TAF3: variants seen among roughly 807,000 people sequenced by gnomAD.
TAF3 encodes the protein transcription initiation factor TFIID subunit 3.
TAF3 carries 7 observed loss-of-function variants against 80.6 expected under a neutral mutation model. The ratio of observed to expected loss-of-function variants is 0.09; its 90% CI spans 0.05 to 0.16. TAF3 has a LOEUF of 0.16. TAF3 is among the 10% of genes least tolerant of loss of function. The pLI, the probability that TAF3 is intolerant of heterozygous loss-of-function variation, is 1.00. For synonymous variants in TAF3, 444 were observed against 446.1 expected (o/e 1.00, Z 0.06); for missense variants, 921 against 1,140.2 (o/e 0.81, Z 2.77).
chr10:7,950,863 C>T (rs770974131), intron 2 of TAF3, among the ~76,000 whole-genome samples: 6 of 152,142 alleles, frequency 3.9e-5, no homozygotes, highest in Non-Finnish European at 7.4e-5. Flanking sequence ...TTTAAAATGG[C>T]CCCAAAGCAT....
At chr10:8,000,488 C>T (rs1436482198) in intron 4 of TAF3, among the ~76,000 whole-genome samples, 1 of 152,054 alleles carries the variant, frequency 6.6e-6, no homozygotes, top group South Asian at 2.1e-4. Context: ...GGCATCCACC[C>T]AGCACAGTGG....
At chr10:7,823,609 C>T (rs1449213057) in intron 1 of TAF3, among the ~76,000 whole-genome samples, 2 of 151,310 alleles carry the variant, frequency 1.3e-5, no homozygotes, top group South Asian at 4.2e-4. Context: ...GCACTTCAGC[C>T]TGGGCAACAA....
chr10:7,901,250 A>G (rs1837555608), intron 2 of TAF3, among the ~76,000 whole-genome samples: 1 of 152,238 alleles, frequency 6.6e-6, no homozygotes, highest in South Asian at 2.1e-4. Flanking sequence ...AAACTTTAAA[A>G]TACATAAATA....
chr10:8,012,583 C>T (rs764416376), intron 5 of TAF3, among the ~76,000 whole-genome samples: 3 of 152,190 alleles, frequency 2.0e-5, no homozygotes, highest in Non-Finnish European at 4.4e-5. Flanking sequence ...TTCCACCAGC[C>T]TTGGCCTCTA....
chr10:7,993,961 T>A (rs946641004), intron 4 of TAF3, among the ~76,000 whole-genome samples: 1 of 149,924 alleles, frequency 6.7e-6, no homozygotes, highest in Non-Finnish European at 1.5e-5. Context: ...TCTCCAGTGA[T>A]GAGCATAGGG....
chr10:7,957,805 C>CTCTG (rs1415995721), intron 2 of TAF3, among the ~76,000 whole-genome samples: 2 of 147,912 alleles, frequency 1.4e-5, no homozygotes, highest in African/African-American at 4.9e-5. Flanking sequence ...CTCTCTCTCT[C>CTCTG]TCTCTCTCTC....
intron 2 of TAF3, among the ~76,000 whole-genome samples, chr10:7,923,482 T>C (rs755653063): frequency 1.2e-4 from 19 of 152,042 alleles, no homozygotes; most frequent in Non-Finnish European, 2.5e-4. Flanking sequence ...ATTCTTCCAG[T>C]ATGTGCCATA....
chr10:7,995,574 A>C (rs1831880086), intron 4 of TAF3, among the ~76,000 whole-genome samples: 1 of 152,206 alleles, frequency 6.6e-6, no homozygotes, highest in African/African-American at 2.4e-5. Context: ...TGACAATAGA[A>C]GTGTAATCAT....
At chr10:7,957,098 C>G (rs569857423) in intron 2 of TAF3, among the ~76,000 whole-genome samples, 1 of 152,308 alleles carries the variant, frequency 6.6e-6, no homozygotes, top group African/African-American at 2.4e-5. Flanking sequence ...TCACTATCAA[C>G]TTTAACCAAA....
At chr10:7,932,386 T>C (rs757643005) in intron 2 of TAF3, among the ~76,000 whole-genome samples, 1 of 152,132 alleles carries the variant, frequency 6.6e-6, no homozygotes, top group Non-Finnish European at 1.5e-5. Context: ...TTCCAGCAGA[T>C]AGCACACATG....
intron 4 of TAF3, among the ~76,000 whole-genome samples, chr10:7,981,699 C>G (rs947764142): frequency 2.0e-5 from 3 of 152,204 alleles, no homozygotes; most frequent in Non-Finnish European, 2.9e-5. Context: ...TGATTTCTTA[C>G]AATTCAGTAA....
chr10:7,917,965 T>G (rs1242557382), intron 2 of TAF3, among the ~76,000 whole-genome samples: 1 of 152,184 alleles, frequency 6.6e-6, no homozygotes, highest in Non-Finnish European at 1.5e-5. Context: ...ACAGGCACTT[T>G]CAGTGTTTAG....
intron 3 of TAF3, among the ~76,000 whole-genome samples, chr10:7,971,025 A>G (rs2131416477): frequency 6.6e-6 from 1 of 152,342 alleles, no homozygotes; most frequent in Middle Eastern, 3.4e-3. Context: ...TCCAAGAGAA[A>G]ACAAGAAACT....
chr10:7,819,879 C>T (rs1836672858), intron 1 of TAF3, among the ~76,000 whole-genome samples: 1 of 152,190 alleles, frequency 6.6e-6, no homozygotes, highest in South Asian at 2.1e-4. Flanking sequence ...AAGTTTCGTT[C>T]CCGCTTCCAC....
chr10:7,941,430 C>T (rs969026921), intron 2 of TAF3, among the ~76,000 whole-genome samples: 1 of 152,170 alleles, frequency 6.6e-6, no homozygotes, highest in African/African-American at 2.4e-5. Flanking sequence ...CATGAGGATG[C>T]TACAGGGGAC....
At chr10:7,906,465 T>C (rs963909998) in intron 2 of TAF3, among the ~76,000 whole-genome samples, 2 of 152,148 alleles carry the variant, frequency 1.3e-5, no homozygotes, top group African/African-American at 4.8e-5. Flanking sequence ...TGATTAAGAT[T>C]ACTATTCTAA....
intron 4 of TAF3, among the ~76,000 whole-genome samples, chr10:7,983,209 G>A (rs1434780570): frequency 2.0e-5 from 3 of 152,160 alleles, no homozygotes; most frequent in Non-Finnish European, 2.9e-5. Context: ...CCGGGCCTCC[G>A]TTATCAGCCC....
intron 4 of TAF3, among the ~76,000 whole-genome samples, chr10:8,005,435 C>T (rs1049876859): frequency 6.6e-6 from 1 of 152,224 alleles, no homozygotes; most frequent in Non-Finnish European, 1.5e-5. Context: ...TATCCTAGAA[C>T]ACCAGAGGTG....
At chr10:7,961,284 G>A (rs1215438874) in intron 2 of TAF3, among the ~76,000 whole-genome samples, 1 of 152,198 alleles carries the variant, frequency 6.6e-6, no homozygotes, top group Non-Finnish European at 1.5e-5. Flanking sequence ...GGTGGGTGAT[G>A]CCATCATTAT....
Sources: allele counts gnomAD v4.1 joint callset (sites outside exome capture counted in the v4.1 genomes callset), GRCh38; gene constraint gnomAD v4.1.1; transcripts MANE v1.5; gene names NCBI Gene and HGNC (gene_info 2026-07-23, HGNC 2026-07-21).